The following CNR1 variants were observed in gnomAD, a reference collection of about 807,000 sequenced individuals.
CNR1 encodes cannabinoid receptor 1.
Under a neutral mutation model 23.0 loss-of-function variants are expected in CNR1, and 10 were observed. The observed-to-expected ratio is 0.43, with a 90% CI of 0.27 to 0.74. CNR1 has a LOEUF of 0.74. Ranked by LOEUF, CNR1 falls within the 30% of genes least tolerant of loss-of-function variation. CNR1 has a pLI of 0.19. For missense variants in CNR1, 422 were observed against 618.8 expected, an observed-to-expected ratio of 0.68 and a Z score of 3.37; for synonymous variants, 271 against 255.2, an observed-to-expected ratio of 1.06 and a Z score of -0.59.
chr6:88,157,740 C>T (rs182707437), intron 1 of CNR1, among the ~76,000 whole-genome samples: 8 of 152,284 alleles, frequency 5.3e-5, no homozygotes, highest in Admixed American at 3.9e-4. Flanking sequence ...TTTTGTAAAA[C>T]ATTCAGCTTT....
chr6:88,165,368 T>C (rs1778315979), intron 1 of CNR1, among the ~76,000 whole-genome samples: 1 of 152,246 alleles, frequency 6.6e-6, no homozygotes, highest in Non-Finnish European at 1.5e-5. Context: ...TAGCTTTTTA[T>C]CAAAAGTTTA....
Position 88,145,329 on chromosome 6 carries a change from G to C in CNR1, c.-55C>G, listed in dbSNP as rs537736163. On this transcript the variant is annotated 5_prime_UTR_variant, in exon 2 of 2. Coordinates refer to ENST00000369501, the MANE Select transcript of CNR1 (RefSeq NM_016083.6). ...AAATGACTGAGAAAGTGACCCACAGGGGGCAATCCTAAGAGGAGGGAAAAC... is the reference window on the plus strand; with the variant it reads ...AAATGACTGAGAAAGTGACCCACAGCGGGCAATCCTAAGAGGAGGGAAAAC... 5.6e-6 allele frequency: 8 copies of C among 1,426,716 alleles called. 1 individual carries two copies. In the South Asian group the frequency reaches 9.1e-5, roughly 16 times the overall value. 88.4% of individuals were successfully genotyped at this position (1,426,716 alleles called of 1,614,324 possible).
chr6:88,155,366 A>C (rs1048060108), intron 1 of CNR1, among the ~76,000 whole-genome samples: 3 of 152,214 alleles, frequency 2.0e-5, no homozygotes, highest in African/African-American at 7.2e-5. Flanking sequence ...TCATGGAAAA[A>C]ATATATTATT....
intron 1 of CNR1, among the ~76,000 whole-genome samples, chr6:88,158,246 T>G (rs1419291046): frequency 1.3e-5 from 2 of 152,240 alleles, no homozygotes; most frequent in Admixed American, 1.3e-4. Flanking sequence ...TTTATGCCAT[T>G]GAAACCATGA....
chr6:88,147,121 T>G (rs942763036), intron 1 of CNR1, among the ~76,000 whole-genome samples: 1 of 151,990 alleles, frequency 6.6e-6, no homozygotes, highest in African/African-American at 2.4e-5. Flanking sequence ...TGAAACCCCG[T>G]CTCTACTAAA....
At chr6:88,164,514 G>A (rs1484882037) in intron 1 of CNR1, among the ~76,000 whole-genome samples, 3 of 152,144 alleles carry the variant, frequency 2.0e-5, no homozygotes, top group Non-Finnish European at 4.4e-5. Flanking sequence ...TCTCACTTAA[G>A]AAACTATAAA....
chr6:88,144,390 C>A lies in CNR1; in HGVS notation c.885G>T (p.Met295Ile). The stretch of plus-strand genomic sequence containing the variant: ...GGCTGTGAGCCTTCCAGAGAATATA[C>A]ATGTACGCATACACGATGAACAGAA... ...VLLLFIVYAY[M>I]YILWKAHSHA... Residue 295 changes from methionine to isoleucine, a missense_variant, in exon 2 of 2, where the codon ATG (methionine) becomes ATT (isoleucine). Coordinates refer to ENST00000369501, the MANE Select transcript of CNR1 (RefSeq NM_016083.6). This position sits in a 1 kb window ranked among gnomAD's most constrained non-coding sequence, Gnocchi z 7.8. 2 of 1,614,090 alleles carry A rather than the reference C, an allele frequency of 1.2e-6. No homozygotes were observed. Among genetic ancestry groups the A allele is most frequent in the East Asian group, 2.2e-5 (1 of 44,882 alleles).
intron 1 of CNR1, among the ~76,000 whole-genome samples, chr6:88,160,158 T>C (rs901261296): frequency 1.3e-5 from 2 of 152,024 alleles, no homozygotes; most frequent in African/African-American, 4.8e-5. Flanking sequence ...TGAAACCCCG[T>C]CTGCACGAAA....
chr6:88,143,101 C>T lies in CNR1; in HGVS notation c.*755G>A, dbSNP rs1003258167. On this transcript the variant is annotated 3_prime_UTR_variant, in exon 2 of 2. Transcript: ENST00000369501. ...TATAGTCCAGAAGATAATGTGTCTT[C>T]CTATGAAAATGCAGGGCTAATAAAT... The T allele has an allele frequency of 4.6e-5, 7 of 152,324 alleles. No individual in the cohort carries two copies. Among genetic ancestry groups the T allele is most frequent in the Admixed American group, 4.6e-4 (7 of 15,278 alleles). 9.4% of individuals were successfully genotyped at this position (152,324 alleles called of 1,614,324 possible). A position where few individuals can be genotyped will look rare whatever the true frequency, so the allele number is the denominator to read the frequency against.
chr6:88,160,046 G>A (rs928398955), intron 1 of CNR1, among the ~76,000 whole-genome samples: 7 of 151,712 alleles, frequency 4.6e-5, no homozygotes. Context: ...ATCATTTTTA[G>A]GCCAGGCACG....
At chr6:88,159,889 C>A (rs1376404820) in intron 1 of CNR1, among the ~76,000 whole-genome samples, 1 of 151,960 alleles carries the variant, frequency 6.6e-6, no homozygotes, top group Non-Finnish European at 1.5e-5. Context: ...GGCATTAAGT[C>A]CCTCATATAA....
upstream of CNR1, among the ~76,000 whole-genome samples, chr6:88,166,514 A>C (rs966326592): frequency 1.3e-5 from 2 of 151,078 alleles, no homozygotes; most frequent in African/African-American, 2.4e-5. Flanking sequence ...GGGGCGGGGG[A>C]CCCGCCGCGG....
rs751492689 is a variant in CNR1 at position 88,145,231 on chromosome 6, G to A, written c.44C>T (p.Thr15Ile). ...LDGLADTTFR[T>I]ITTDLLYVGS... ...CACGTACAGGAGGTCAGTGGTGATG[G>A]TGCGGAAGGTGGTATCTGCAAGGCC... The change falls in exon 2 of 2, where the codon ACC (threonine) becomes ATC (isoleucine). Residue 15 changes from threonine (T) to isoleucine (I), a missense_variant. Transcript: ENST00000369501. 6.2e-7 allele frequency: 1 copy of A among 1,614,010 alleles called. No homozygotes were observed. The highest frequency in any genetic ancestry group is 8.5e-7 in the Non-Finnish European group (1 of 1,179,956).
intron 1 of CNR1, among the ~76,000 whole-genome samples, chr6:88,165,233 T>C (rs1461839988): frequency 6.6e-6 from 1 of 152,220 alleles, no homozygotes; most frequent in African/African-American, 2.4e-5. Context: ...GAAATGTCTT[T>C]TAAAAATGCA....
intron 1 of CNR1, among the ~76,000 whole-genome samples, chr6:88,163,933 CAGTG>C (rs1422016396): frequency 6.6e-6 from 1 of 152,182 alleles, no homozygotes; most frequent in African/African-American, 2.4e-5. Context: ...AGACAGAAAA[CAGTG>C]GATAACAAAC....
chr6:88,163,200 A>C (rs1485205143), intron 1 of CNR1, among the ~76,000 whole-genome samples: 3 of 152,240 alleles, frequency 2.0e-5, no homozygotes, highest in Non-Finnish European at 4.4e-5. Flanking sequence ...GGAATAAAAG[A>C]AGCAATAACT....
intron 1 of CNR1, among the ~76,000 whole-genome samples, chr6:88,151,713 G>T (rs1326523905): frequency 1.3e-5 from 2 of 151,478 alleles, no homozygotes; most frequent in East Asian, 3.9e-4. Flanking sequence ...TCTCAAGAAT[G>T]CTCATTGCCT....
chr6:88,159,221 CA>C, intron 1 of CNR1, among the ~76,000 whole-genome samples: 1 of 152,168 alleles, frequency 6.6e-6, no homozygotes, highest in Non-Finnish European at 1.5e-5. Flanking sequence ...TTATTTCTTT[CA>C]AGCTGGAAAT....
intron 1 of CNR1, among the ~76,000 whole-genome samples, chr6:88,164,535 T>A (rs1187221017): frequency 6.6e-6 from 1 of 152,200 alleles, no homozygotes; most frequent in Non-Finnish European, 1.5e-5. Flanking sequence ...TGGCCTTTTA[T>A]TTTTATAAAA....
Sources: gnomAD v4.1 joint callset for allele counts (sites outside exome capture counted in the v4.1 genomes callset) on GRCh38, gnomAD v4.1.1 for gene constraint, Gnocchi (gnomAD v3.1) non-coding constraint, MANE v1.5 for transcripts, NCBI Gene and HGNC (gene_info 2026-07-23, HGNC 2026-07-21) for gene names.